Variants in PCDHGB2 observed in about 807,000 individuals in gnomAD.
The protein encoded by PCDHGB2 is protocadherin gamma-B2.
PCDHGB2 carries 55 observed loss-of-function variants against 59.3 expected under a neutral mutation model. The ratio of observed to expected loss-of-function variants is 0.93; its 90% CI spans 0.75 to 1.16. The LOEUF (loss-of-function observed/expected upper bound fraction) is 1.16, where lower values mean the gene tolerates loss of function less well. Among genes scored for constraint, PCDHGB2 ranks in the 50% most tolerant of loss-of-function variants. PCDHGB2 has a pLI of 0.00. For synonymous variants in PCDHGB2, 516 were observed against 512.0 expected (o/e 1.01, Z -0.11); for missense variants, 1,228 against 1,198.5 (o/e 1.02, Z -0.36).
intron 2 of PCDHGB2, 47 bp from the exon 3 acceptor site, chr5:141,505,346 C>G: frequency 4.3e-6 from 7 of 1,612,970 alleles, no homozygotes; most frequent in Non-Finnish European, 5.9e-6. Context: ...GGGGCATGAG[C>G]TGTGCCGGCC....
chr5:141,401,408 A>T (rs943963302), intron 1 of PCDHGB2, among the ~76,000 whole-genome samples: 9 of 152,200 alleles, frequency 5.9e-5, no homozygotes, highest in African/African-American at 1.7e-4. Context: ...TATGAGAGAG[A>T]AAGAGAGAGA....
intron 1 of PCDHGB2, among the ~76,000 whole-genome samples, chr5:141,386,520 G>T (rs976508801): frequency 0.014 from 2 of 142 alleles, no homozygotes; most frequent in Non-Finnish European, 0.032. Flanking sequence ...TTCAAAAAAA[G>T]ACTCTTTTTA....
Position 141,489,646 on chromosome 5 carries a change from C to G in PCDHGB2, c.2422-5161C>G, listed in dbSNP as rs1274955075. The G allele has an allele frequency of 1.2e-6, 2 of 1,614,186 alleles. No individual in the cohort carries two copies. Among genetic ancestry groups the G allele is most frequent in the Non-Finnish European group, 1.7e-6 (2 of 1,180,022 alleles). ...TGACAACTCTCCTAGCTTTGCCACC[C>G]CTGAGCGAGAGATGCGCATCTCAGA... On this transcript the variant is annotated intron_variant, in intron 1 of 3. Coordinates refer to ENST00000522605, the MANE Select transcript of PCDHGB2 (RefSeq NM_018923.3). The surrounding 1 kb of genome is among the most constrained non-coding windows in gnomAD (Gnocchi z 4.5).
intron 1 of PCDHGB2, chr5:141,388,607 G>A (rs943233962): frequency 6.2e-7 from 1 of 1,613,904 alleles, no homozygotes; most frequent in Non-Finnish European, 8.5e-7. Context: ...ATGCTCCAGT[G>A]TTCAGTCAAG....
chr5:141,432,343 G>C lies in PCDHGB2; in HGVS notation c.2422-62464G>C, dbSNP rs1174646711. 3 of 1,614,130 alleles carry C rather than the reference G, an allele frequency of 1.9e-6. No homozygotes were observed. On this transcript the variant is annotated intron_variant, in intron 1 of 3. Coordinates refer to ENST00000522605, the MANE Select transcript of PCDHGB2 (RefSeq NM_018923.3). This position sits in a 1 kb window ranked among gnomAD's most constrained non-coding sequence, Gnocchi z 6.0. ...TCGACTACGAGCAGTTCCGAGACTTGCAAGTGAAAGTGATGGCGCGGGACA... is the reference window on the plus strand; with the variant it reads ...TCGACTACGAGCAGTTCCGAGACTTCCAAGTGAAAGTGATGGCGCGGGACA...
intron 2 of PCDHGB2, among the ~76,000 whole-genome samples, chr5:141,496,841 G>C (rs2099771828): frequency 6.6e-6 from 1 of 151,398 alleles, no homozygotes; most frequent in South Asian, 2.1e-4. Context: ...GAACTCATAG[G>C]CTTCCAGACC....
intron 1 of PCDHGB2, among the ~76,000 whole-genome samples, chr5:141,483,913 C>G (rs988014158): frequency 6.7e-6 from 1 of 148,188 alleles, no homozygotes; most frequent in African/African-American, 2.5e-5. Context: ...GTTTCCCACT[C>G]AGATTGCAGG....
In PCDHGB2 at chr5:141,476,883, A is replaced by G. The variant is rs1266909654; in HGVS notation, c.2422-17924A>G. ...TTGTACCGGGCGCGCGTCCTGGAGG[A>G]TGCACCCTCCGGCACGCGCGTGGTA... On this transcript the variant is annotated intron_variant, in intron 1 of 3. Coordinates refer to ENST00000522605, the MANE Select transcript of PCDHGB2 (RefSeq NM_018923.3). This position sits in a 1 kb window ranked among gnomAD's most constrained non-coding sequence, Gnocchi z 7.6. 1 of 1,613,916 alleles carries G rather than the reference A, an allele frequency of 6.2e-7. No individual in the cohort carries two copies. The highest frequency in any genetic ancestry group is 8.5e-7 in the Non-Finnish European group (1 of 1,180,026).
At position 141,432,612 on chromosome 5, in the gene PCDHGB2, C is replaced by A. The variant is rs752901891; in HGVS notation, c.2422-62195C>A. On this transcript the variant is annotated intron_variant, in intron 1 of 3. Transcript: ENST00000522605. This position sits in a 1 kb window ranked among gnomAD's most constrained non-coding sequence, Gnocchi z 6.0. ...AAGGCCAGCGAGCCGGGACTCTTCT[C>A]GGTGGGTCTGCACACGGGCGAGGTG... 1 of 1,613,912 alleles carries A rather than the reference C, an allele frequency of 6.2e-7. No individual in the cohort carries two copies. The highest frequency in any genetic ancestry group is 1.1e-5 in the South Asian group (1 of 91,062).
intron 1 of PCDHGB2, among the ~76,000 whole-genome samples, chr5:141,463,736 G>A (rs757788192): frequency 1.3e-5 from 2 of 151,992 alleles, no homozygotes; most frequent in East Asian, 3.9e-4. Flanking sequence ...ATGAGCCACC[G>A]CGCCCGGCCT....
At chr5:141,500,509 G>A (rs1048476645) in intron 2 of PCDHGB2, among the ~76,000 whole-genome samples, 19 of 152,100 alleles carry the variant, frequency 1.2e-4, no homozygotes, top group South Asian at 4.2e-4. Context: ...GCGCCTGGCC[G>A]AGCTTCATTT....
At chr5:141,365,446 T>A in intron 1 of PCDHGB2, 1 of 1,614,030 alleles carries the variant, frequency 6.2e-7, no homozygotes, top group Non-Finnish European at 8.5e-7. Context: ...TTAGCGTACA[T>A]GATGGTGATT....
chr5:141,492,396 A>G (rs1400291073), intron 1 of PCDHGB2, among the ~76,000 whole-genome samples: 1 of 152,188 alleles, frequency 6.6e-6, no homozygotes, highest in Non-Finnish European at 1.5e-5. Flanking sequence ...GTCCACTCGC[A>G]GCTCCCCTCT....
intron 1 of PCDHGB2, chr5:141,376,482 C>T (rs768933228): frequency 4.3e-6 from 7 of 1,614,148 alleles, no homozygotes; most frequent in South Asian, 1.1e-5. Context: ...TTACTTGAAA[C>T]GAAAGGAGAA....
chr5:141,440,056 G>A, intron 1 of PCDHGB2: 1 of 152,648 alleles, frequency 6.6e-6, no homozygotes, highest in East Asian at 1.9e-4. Flanking sequence ...GAAAGCTTCG[G>A]GTTAATGCTG....
chr5:141,472,254 T>C (rs1031738513), intron 1 of PCDHGB2, among the ~76,000 whole-genome samples: 1 of 152,074 alleles, frequency 6.6e-6, no homozygotes, highest in Admixed American at 6.6e-5. Context: ...TTTAAAGTTA[T>C]ATTATAGCCG....
chr5:141,496,163 A>T (rs1249396595), intron 2 of PCDHGB2, among the ~76,000 whole-genome samples: 2 of 150,100 alleles, frequency 1.3e-5, no homozygotes, highest in Non-Finnish European at 3.0e-5. Flanking sequence ...TCCACCAGAC[A>T]CCCTCCCATC....
At chr5:141,410,312 C>T (rs754522489) in intron 1 of PCDHGB2, 9 of 1,614,036 alleles carry the variant, frequency 5.6e-6, no homozygotes, top group South Asian at 3.3e-5. Context: ...AGTGCTCTTC[C>T]TCCTCGCCGT....
At position 141,432,579 on chromosome 5, in the gene PCDHGB2, G is replaced by T; in HGVS notation, c.2422-62228G>T. On this transcript the variant is annotated intron_variant, in intron 1 of 3. Coordinates refer to ENST00000522605, the MANE Select transcript of PCDHGB2 (RefSeq NM_018923.3). This position sits in a 1 kb window ranked among gnomAD's most constrained non-coding sequence, Gnocchi z 6.0. ...GGCCAGAACGCCTGGCTGTCCTACC[G>T]TCTGCTCAAGGCCAGCGAGCCGGGA... is the stretch of plus-strand genomic sequence containing the variant. 1 of 1,613,860 alleles carries T rather than the reference G, an allele frequency of 6.2e-7. No homozygotes were observed. Among genetic ancestry groups the T allele is most frequent in the Non-Finnish European group, 8.5e-7 (1 of 1,179,984 alleles).
Sources: allele counts gnomAD v4.1 joint callset (sites outside exome capture counted in the v4.1 genomes callset), GRCh38; gene constraint gnomAD v4.1.1; non-coding constraint Gnocchi (gnomAD v3.1); transcripts MANE v1.5; gene names NCBI Gene and HGNC (gene_info 2026-07-23, HGNC 2026-07-21).